Variants in PCDH15 observed in about 807,000 individuals in gnomAD.
The protein encoded by PCDH15 is protocadherin-15.
Under a neutral mutation model 178.5 loss-of-function variants are expected in PCDH15, and 129 were observed. That is an observed-to-expected ratio of 0.72 (90% confidence interval 0.63 to 0.84). PCDH15 has a LOEUF of 0.84. Ranked by LOEUF, PCDH15 falls within the 40% of genes least tolerant of loss-of-function variation. The pLI is 0.00. For missense variants in PCDH15, 2,230 were observed against 2,099.9 expected, an observed-to-expected ratio of 1.06 and a Z score of -1.21; for synonymous variants, 800 against 732.0, an observed-to-expected ratio of 1.09 and a Z score of -1.50.
At chr10:55,136,466 G>T (rs1278359327) in intron 2 of PCDH15, among the ~76,000 whole-genome samples, 1 of 151,950 alleles carries the variant, frequency 6.6e-6, no homozygotes, top group Non-Finnish European at 1.5e-5. Flanking sequence ...AAGAATGAGG[G>T]TGTCATTTCC....
intron 1 of PCDH15, among the ~76,000 whole-genome samples, chr10:55,289,089 T>C (rs1842946414): frequency 6.6e-6 from 1 of 152,036 alleles, no homozygotes; most frequent in Non-Finnish European, 1.5e-5. Flanking sequence ...TTATTTGCAA[T>C]AATTATCTGT....
chr10:54,353,033 T>G (rs1461685836), intron 5 of PCDH15, among the ~76,000 whole-genome samples: 1 of 152,166 alleles, frequency 6.6e-6, no homozygotes, highest in African/African-American at 2.4e-5. Context: ...AAACAGGCAG[T>G]CATCAGTGGA....
At chr10:55,077,995 T>C (rs1241853577) in intron 2 of PCDH15, among the ~76,000 whole-genome samples, 1 of 152,202 alleles carries the variant, frequency 6.6e-6, no homozygotes, top group African/African-American at 2.4e-5. Flanking sequence ...CAGCATTTCT[T>C]GTAGGACTGG....
intron 25 of PCDH15, among the ~76,000 whole-genome samples, chr10:53,930,002 T>G (rs1263149827): frequency 6.6e-6 from 1 of 152,178 alleles, no homozygotes; most frequent in Non-Finnish European, 1.5e-5. Context: ...AATATTAACA[T>G]AAGCTTCTAT....
intron 5 of PCDH15, among the ~76,000 whole-genome samples, chr10:54,367,241 A>C (rs961133709): frequency 2.0e-5 from 3 of 152,128 alleles, no homozygotes; most frequent in African/African-American, 7.2e-5. Flanking sequence ...ATACATTGAC[A>C]AATGGTCAGA....
At chr10:55,324,753 C>T (rs1200766136) in intron 2 of PCDH15, among the ~76,000 whole-genome samples, 2 of 151,962 alleles carry the variant, frequency 1.3e-5, no homozygotes, top group Non-Finnish European at 2.9e-5. Flanking sequence ...TAGACATCTA[C>T]AGAAATCTAA....
At chr10:54,317,084 T>C (rs1183738929) in intron 8 of PCDH15, among the ~76,000 whole-genome samples, 187 bp downstream of exon 8, 1 of 152,208 alleles carries the variant, frequency 6.6e-6, no homozygotes, top group African/African-American at 2.4e-5. Flanking sequence ...ATTTGGAAAT[T>C]ATATAATTAC....
chr10:53,840,528 TC>T (rs758976594), intron 28 of PCDH15, 32 bp from the exon 29 acceptor site: 3 of 1,586,962 alleles, frequency 1.9e-6, no homozygotes, highest in Non-Finnish European at 2.6e-6. Context: ...AACATGACAG[TC>T]CAATGGGCTT....
chr10:54,751,097 T>C (rs528812878), intron 1 of PCDH15, among the ~76,000 whole-genome samples: 1 of 152,272 alleles, frequency 6.6e-6, no homozygotes, highest in East Asian at 1.9e-4. Context: ...TTAAGTACTT[T>C]ATAAAACTGT....
At chr10:54,899,070 G>A (rs1954596070) in intron 2 of PCDH15, among the ~76,000 whole-genome samples, 1 of 152,016 alleles carries the variant, frequency 6.6e-6, no homozygotes, top group Non-Finnish European at 1.5e-5. Context: ...TAAAAGTAAC[G>A]ATTGCCATTT....
chr10:54,052,371 G>A (rs2093795834), intron 18 of PCDH15, among the ~76,000 whole-genome samples: 1 of 152,208 alleles, frequency 6.6e-6, no homozygotes, highest in Non-Finnish European at 1.5e-5. Context: ...GGCTATGGGA[G>A]TGTCACTCTT....
At chr10:55,313,902 G>A (rs1215602381) in intron 1 of PCDH15, among the ~76,000 whole-genome samples, 1 of 152,016 alleles carries the variant, frequency 6.6e-6, no homozygotes, top group Non-Finnish European at 1.5e-5. Context: ...GACATAAGTG[G>A]CTTTTGATGA....
At chr10:54,988,198 C>T (rs925678883) in intron 2 of PCDH15, among the ~76,000 whole-genome samples, 14 of 152,144 alleles carry the variant, frequency 9.2e-5, no homozygotes, top group African/African-American at 3.4e-4. Context: ...TTTCTGAGGT[C>T]TCTTTTCTGT....
At chr10:53,822,903 T>G (rs1353651119) in intron 32 of PCDH15, 3 of 1,614,052 alleles carry the variant, frequency 1.9e-6, no homozygotes, top group Non-Finnish European at 2.5e-6. Flanking sequence ...GTTTTCATTT[T>G]CAGCTTTCTG....
At chr10:54,351,183 A>T (rs950532743) in intron 5 of PCDH15, among the ~76,000 whole-genome samples, 2 of 152,148 alleles carry the variant, frequency 1.3e-5, no homozygotes, top group Non-Finnish European at 2.9e-5. Context: ...GCTATTATAA[A>T]ACTGTGAACA....
chr10:55,198,734 C>T (rs888035047), intron 1 of PCDH15, among the ~76,000 whole-genome samples: 5 of 151,746 alleles, frequency 3.3e-5, no homozygotes, highest in South Asian at 2.1e-4. Flanking sequence ...CTGCCCGCCT[C>T]GGCATCCCAA....
chr10:54,515,009 C>T (rs1002307385), intron 3 of PCDH15, among the ~76,000 whole-genome samples: 2 of 152,132 alleles, frequency 1.3e-5, no homozygotes, highest in African/African-American at 2.4e-5. Context: ...CCAAGATGGC[C>T]GAGTAGGAAT....
rs537056205 is a variant in PCDH15 at position 54,787,462 on chromosome 10, A to C, written c.-29+13463T>G. On this transcript the variant is annotated intron_variant, in intron 1 of 37. Transcript: ENST00000644397. ...TAGTCAACAATAGTGTCAAAATTCT[A>C]AACAATTTGATTCAATGTGAGAGGC... Among the ~76,000 whole-genome samples the C allele has an allele frequency of 6.2e-4, 94 of 152,054 alleles. 1 individual carries two copies. The highest frequency in any genetic ancestry group is 1.9e-3 in the African/African-American group (79 of 41,516).
intron 8 of PCDH15, among the ~76,000 whole-genome samples, chr10:54,251,259 G>A (rs1230615401): frequency 6.6e-6 from 1 of 151,968 alleles, no homozygotes; most frequent in Non-Finnish European, 1.5e-5. Context: ...AGTTTACCAG[G>A]GATTTTCCAA....
Sources: allele counts gnomAD v4.1 joint callset (sites outside exome capture counted in the v4.1 genomes callset), GRCh38; gene constraint gnomAD v4.1.1; transcripts MANE v1.5; gene names NCBI Gene and HGNC (gene_info 2026-07-23, HGNC 2026-07-21).